Variants in SH3KBP1 observed in about 807,000 individuals in gnomAD.
SH3KBP1 encodes the protein SH3 domain containing kinase binding protein 1.
In SH3KBP1, 8 loss-of-function variants were observed where a neutral mutation model predicts 50.1. That is an observed-to-expected ratio of 0.16 (90% CI 0.09 to 0.29). SH3KBP1 has a LOEUF of 0.29. Among genes scored for constraint, SH3KBP1 ranks in the 10% least tolerant of loss-of-function variants. SH3KBP1 has a pLI of 1.00. For synonymous variants in SH3KBP1, 227 were observed against 218.6 expected (o/e 1.04, Z -0.34); for missense variants, 377 against 535.2 (o/e 0.70, Z 2.92).
chrX:19,789,111 A>G (rs1305765326), intron 2 of SH3KBP1, among the ~76,000 whole-genome samples: 1 of 112,015 alleles, frequency 8.9e-6, no homozygotes, highest in Non-Finnish European at 1.9e-5. Flanking sequence ...GTGATACAGC[A>G]AGGCTCCATC....
chrX:19,548,137 T>C (rs764613023), intron 14 of SH3KBP1, among the ~76,000 whole-genome samples: 4 of 112,213 alleles, frequency 3.6e-5, no homozygotes, highest in Non-Finnish European at 7.5e-5. Flanking sequence ...TAAAGAGTTG[T>C]TGAATGAATG....
At chrX:19,882,572 G>A (rs1355033066) in intron 1 of SH3KBP1, among the ~76,000 whole-genome samples, 1 of 111,903 alleles carries the variant, frequency 8.9e-6, no homozygotes, top group Non-Finnish European at 1.9e-5. Context: ...ACAGCCTCCA[G>A]AAGGAATGCA....
chrX:19,611,068 T>C (rs2067397153), intron 8 of SH3KBP1, among the ~76,000 whole-genome samples: 3 of 110,251 alleles, frequency 2.7e-5, no homozygotes, highest in Non-Finnish European at 3.8e-5. Context: ...ATATTTTTAG[T>C]AGAGATGGGG....
intron 1 of SH3KBP1, among the ~76,000 whole-genome samples, chrX:19,878,505 T>TGTGTGTGTGTGA (rs1491094714): frequency 2.5e-4 from 12 of 48,216 alleles, no homozygotes; most frequent in African/African-American, 7.2e-4. Flanking sequence ...TGTGTGTGTG[T>TGTGTGTGTGTGA]GAGAGAGAGA....
chrX:19,544,246 G>C (rs2065023536), intron 15 of SH3KBP1, among the ~76,000 whole-genome samples: 1 of 111,304 alleles, frequency 9.0e-6, no homozygotes, highest in African/African-American at 3.3e-5. Context: ...GCCAGCCTGT[G>C]CTTTATCATT....
rs1000402812 is a variant in SH3KBP1, at chrX:19,862,744, C to G, written c.4+24563G>C. Among the ~76,000 whole-genome samples the G allele has an allele frequency of 4.5e-5, 5 of 111,814 alleles. No homozygotes were observed. In the Admixed American group the frequency reaches 4.8e-4, roughly 11 times the overall value. On this transcript the variant is annotated intron_variant, in intron 1 of 17. Transcript: ENST00000397821. ...AACTTGTTGAAGTCTCCTCATATAGCTCTGTATTACTTGGCTTTGATCCTT... is the reference window on the plus strand; with the variant it reads ...AACTTGTTGAAGTCTCCTCATATAGGTCTGTATTACTTGGCTTTGATCCTT...
intron 12 of SH3KBP1, among the ~76,000 whole-genome samples, chrX:19,577,931 G>A (rs911299538): frequency 9.0e-6 from 1 of 110,684 alleles, no homozygotes; most frequent in Non-Finnish European, 1.9e-5. Flanking sequence ...GGCTTCAACT[G>A]CCTACAAAAT....
intron 2 of SH3KBP1, among the ~76,000 whole-genome samples, chrX:19,772,826 C>T (rs941294412): frequency 8.9e-6 from 1 of 111,743 alleles, no homozygotes; most frequent in African/African-American, 3.3e-5. Context: ...TCATCTTCCC[C>T]CACTCTTGTG....
Position 19,536,284 on chromosome X carries a change from T to C in SH3KBP1, c.*133A>G. On this transcript the variant is annotated 3_prime_UTR_variant, in exon 18 of 18. Transcript: ENST00000397821. ...AATTTGTGTTGTGCTATCAAGACTT[T>C]TGTGCTAATCTTTCAAACAGGGACA... 2.3e-6 allele frequency: 1 copy of C among 434,475 alleles called. No homozygotes were observed. Among genetic ancestry groups the C allele is most frequent in the Non-Finnish European group, 4.1e-6 (1 of 246,463 alleles). 35.8% of individuals were successfully genotyped at this position (434,475 alleles called of 1,213,427 possible). A position where few individuals can be genotyped will look rare whatever the true frequency, so the allele number is the denominator to read the frequency against.
chrX:19,559,464 T>G (rs1482685196), intron 13 of SH3KBP1, among the ~76,000 whole-genome samples: 4 of 103,922 alleles, frequency 3.8e-5, no homozygotes, highest in Non-Finnish European at 7.8e-5. Context: ...GTAGCTGGGA[T>G]TACAGGCATG....
At chrX:19,544,789 A>C (rs2065039404) in intron 15 of SH3KBP1, among the ~76,000 whole-genome samples, 1 of 112,118 alleles carries the variant, frequency 8.9e-6, no homozygotes, top group African/African-American at 3.2e-5. Context: ...TGGAATTTCT[A>C]GAAGCACTGA....
chrX:19,588,881 T>TA (rs374099976), intron 11 of SH3KBP1, 79 bp from the exon 12 acceptor site: 30,658 of 590,838 alleles, frequency 0.052, 1 homozygote, highest in Non-Finnish European at 0.058. Flanking sequence ...CATTTCCTGC[T>TA]AAAAAAAAAA....
chrX:19,547,779 A>C (rs751504730), intron 14 of SH3KBP1, among the ~76,000 whole-genome samples: 1 of 111,942 alleles, frequency 8.9e-6, no homozygotes, highest in African/African-American at 3.2e-5. Context: ...TGACTGGTGC[A>C]TTTCCTCCAT....
chrX:19,673,065 C>CA (rs1174045446), intron 6 of SH3KBP1, among the ~76,000 whole-genome samples: 931 of 37,062 alleles, frequency 0.025, 26 homozygotes, highest in African/African-American at 0.061. Flanking sequence ...GATTCTGTCT[C>CA]AAAAAAAAAA....
intron 1 of SH3KBP1, among the ~76,000 whole-genome samples, chrX:19,872,605 G>A (rs112138141): frequency 0.063 from 6,802 of 108,468 alleles, 521 homozygotes; most frequent in African/African-American, 0.21. Context: ...CCTCATCTCT[G>A]CTAAAAAAAA....
chrX:19,563,014 T>C (rs2065730251), intron 13 of SH3KBP1, among the ~76,000 whole-genome samples: 1 of 112,330 alleles, frequency 8.9e-6, no homozygotes, highest in Admixed American at 9.4e-5. Context: ...TGTGAGGCTT[T>C]TCCTACAGGC....
chrX:19,854,319 G>A (rs1023830947), intron 1 of SH3KBP1, among the ~76,000 whole-genome samples: 4 of 110,698 alleles, frequency 3.6e-5, no homozygotes, highest in Non-Finnish European at 7.6e-5. Context: ...GTTTCACCAT[G>A]TTGGCCAATC....
intron 13 of SH3KBP1, among the ~76,000 whole-genome samples, chrX:19,550,986 TA>T (rs1267171647): frequency 1.8e-5 from 2 of 111,292 alleles, no homozygotes; most frequent in South Asian, 7.6e-4. Flanking sequence ...ACAGAGAAGT[TA>T]AAAAAAATGA....
chrX:19,579,781 A>T (rs1404640457), intron 12 of SH3KBP1, among the ~76,000 whole-genome samples: 1 of 112,003 alleles, frequency 8.9e-6, no homozygotes, highest in Non-Finnish European at 1.9e-5. Flanking sequence ...GACCTATGGG[A>T]CTACCTTCCA....
Sources: gnomAD v4.1 joint callset for allele counts (sites outside exome capture counted in the v4.1 genomes callset) on GRCh38, gnomAD v4.1.1 for gene constraint, MANE v1.5 for transcripts, NCBI Gene and HGNC (gene_info 2026-07-23, HGNC 2026-07-21) for gene names.